Variants in CLEC7A observed in about 807,000 individuals in gnomAD.
The protein encoded by CLEC7A is C-type lectin domain containing 7A.
In CLEC7A, 25 loss-of-function variants were observed where a neutral mutation model predicts 26.9. The ratio of observed to expected loss-of-function variants is 0.93; its 90% CI spans 0.68 to 1.30. The LOEUF is 1.30. Ranked by LOEUF, CLEC7A falls within the 50% of genes most tolerant of loss-of-function variation. CLEC7A has a pLI of 0.00. For missense variants in CLEC7A, 275 were observed against 286.7 expected, an observed-to-expected ratio of 0.96 and a Z score of 0.29; for synonymous variants, 100 against 99.5, an observed-to-expected ratio of 1.01 and a Z score of -0.03.
At chr12:10,125,049 A>G in intron 4 of CLEC7A, 1 of 481,146 alleles carries the variant, frequency 2.1e-6, no homozygotes, top group Non-Finnish European at 3.8e-6. Context: ...ATACAAAAAA[A>G]CATTAGACGA....
intron 2 of CLEC7A, chr12:10,126,939 A>G (rs187870557): frequency 4.9e-5 from 45 of 916,880 alleles, no homozygotes; most frequent in African/African-American, 4.6e-4. Flanking sequence ...AAAAGAAAAA[A>G]GAAGGTGGAG....
intron 5 of CLEC7A, among the ~76,000 whole-genome samples, chr12:10,119,880 G>A (rs1948024928): frequency 6.6e-6 from 1 of 151,552 alleles, no homozygotes; most frequent in Admixed American, 6.6e-5. Context: ...TAGAAAATTG[G>A]AATTATCAGA....
At position 10,126,616 on chromosome 12, in the gene CLEC7A, A is replaced by T. The variant is rs1178536230; in HGVS notation, c.295T>A (p.Ser99Thr). The change falls in exon 3 of 6, where the codon TCT (serine) becomes ACT (threonine). Residue 99 changes from serine to threonine, a missense_variant. Coordinates refer to ENST00000304084, the MANE Select transcript of CLEC7A (RefSeq NM_197947.3). ...KENHSQPTQS[S>T]LEDSVTPTKA... ...GTAGGAGTCACACTGTCTTCTAAAG[A>T]TGATTGTGTGGGTTGACTGTGGTTC... The T allele has an allele frequency of 1.2e-6, 2 of 1,613,058 alleles. No homozygotes were observed. Among genetic ancestry groups the T allele is most frequent in the Non-Finnish European group, 1.7e-6 (2 of 1,179,590 alleles).
At chr12:10,127,030 C>T in intron 2 of CLEC7A, 3 of 1,393,062 alleles carry the variant, frequency 2.2e-6, no homozygotes, top group Non-Finnish European at 2.8e-6. Flanking sequence ...GAAATAGCAA[C>T]ATCTTTCACC....
At position 10,128,207 on chromosome 12, in the gene CLEC7A, A is replaced by AACACACACACACAC. The variant is rs71860807; in HGVS notation, c.104-376_104-363dup. On this transcript the variant is annotated intron_variant, in intron 1 of 5. Transcript: ENST00000304084. ...AGGCAAAAAAGTGATACCCTGTTAA[A>AACACACACACACAC]ACACACACACACACACACACACACA... 3.9e-3 allele frequency among the ~76,000 whole-genome samples: 515 copies of AACACACACACACAC among 132,826 alleles called. 2 individuals are homozygous for AACACACACACACAC. Among genetic ancestry groups the AACACACACACACAC allele is most frequent in the African/African-American group, 0.014 (463 of 33,298 alleles). 87.1% of individuals were successfully genotyped at this position (132,826 alleles called of 152,430 possible). A position where few individuals can be genotyped will look rare whatever the true frequency, so the allele number is the denominator to read the frequency against.
At chr12:10,128,670 T>A (rs1025876241) in intron 1 of CLEC7A, among the ~76,000 whole-genome samples, 1 of 152,294 alleles carries the variant, frequency 6.6e-6, no homozygotes, top group African/African-American at 2.4e-5. Flanking sequence ...CTAACACATA[T>A]AAAAGCACCT....
Position 10,127,058 on chromosome 12 carries a change from A to C in CLEC7A, c.203-350T>G, listed in dbSNP as rs550138886. 456 of 1,394,380 alleles carry C rather than the reference A, an allele frequency of 3.3e-4. 1 individual carries two copies. The highest frequency in any genetic ancestry group is 2.0e-3 in the Admixed American group (90 of 45,228). The allele number at this position is 1,394,380 out of a possible 1,614,324, so 86.4% of individuals were successfully genotyped here. ...CTTTCACCTTTCTTCTGTTATTTAA[A>C]AATGAGAGATCCTTGAGAAACTGCC... On this transcript the variant is annotated intron_variant, in intron 2 of 5. Coordinates refer to ENST00000304084, the MANE Select transcript of CLEC7A (RefSeq NM_197947.3).
intron 3 of CLEC7A, among the ~76,000 whole-genome samples, 193 bp from the exon 4 acceptor site, chr12:10,125,641 T>A (rs1017059662): frequency 6.6e-6 from 1 of 152,194 alleles, no homozygotes; most frequent in African/African-American, 2.4e-5. Flanking sequence ...TCATTTAAAA[T>A]TTAAAAACAA....
intron 5 of CLEC7A, among the ~76,000 whole-genome samples, chr12:10,119,256 A>C (rs1948003563): frequency 6.6e-6 from 1 of 152,108 alleles, no homozygotes; most frequent in South Asian, 2.1e-4. Flanking sequence ...ATGACTTGGC[A>C]CTCTTTGTCC....
chr12:10,129,587 T>C (rs1165026295), intron 1 of CLEC7A, among the ~76,000 whole-genome samples: 7 of 152,036 alleles, frequency 4.6e-5, no homozygotes. Context: ...GCTCTCAAAT[T>C]TTCTCCCCTT....
Position 10,126,621 on chromosome 12 carries a change from T to A in CLEC7A, c.290A>T (p.Gln97Leu), listed in dbSNP as rs551573256. Residue 97 changes from glutamine (Q) to leucine (L), a missense_variant, in exon 3 of 6, where the codon CAA becomes CTA. Physicochemically the swap from Gln to Leu is moderately radical, Grantham distance 113. Coordinates refer to ENST00000304084, the MANE Select transcript of CLEC7A (RefSeq NM_197947.3). ...AGTCACACTGTCTTCTAAAGATGAT[T>A]GTGTGGGTTGACTGTGGTTCTCTTT... ...RNKENHSQPTQSSLEDSVTPT... is the reference protein window; with the variant it reads ...RNKENHSQPTLSSLEDSVTPT... The A allele has an allele frequency of 1.2e-6, 2 of 1,612,896 alleles. No homozygotes were observed. Among genetic ancestry groups the A allele is most frequent in the Non-Finnish European group, 1.7e-6 (2 of 1,179,518 alleles).
chr12:10,123,676 G>C (rs942661347), intron 4 of CLEC7A, among the ~76,000 whole-genome samples: 1 of 140,416 alleles, frequency 7.1e-6, no homozygotes, highest in Non-Finnish European at 1.5e-5. Flanking sequence ...CAGGAGAATG[G>C]CATGAACCCG....
Position 10,125,413 on chromosome 12 carries a change from T to C in CLEC7A, c.376A>G (p.Ile126Val), listed in dbSNP as rs147313614. The C allele has an allele frequency of 1.2e-6, 2 of 1,613,048 alleles. No individual in the cohort carries two copies. The highest frequency in any genetic ancestry group is 1.3e-5 in the African/African-American group (1 of 74,898). The change falls in exon 4 of 6, where the codon ATA becomes GTA. Residue 126 changes from isoleucine (I) to valine (V), a missense_variant. Transcript: ENST00000304084. Reference protein sequence around the residue: ...LSSPCPPNWIIYEKSCYLFSM... With the variant: ...LSSPCPPNWIVYEKSCYLFSM... ...AATAGATAACAGCTCTTCTCATATA[T>C]AATCCAATTAGGAGGACAAGGGCTG...
At chr12:10,118,647 C>A in intron 5 of CLEC7A, 57 bp from the exon 6 acceptor site, 1 of 1,426,820 alleles carries the variant, frequency 7.0e-7, no homozygotes, top group Non-Finnish European at 9.7e-7. Flanking sequence ...ATACTGTCTA[C>A]ATGGCGCACA....
chr12:10,127,465 C>CA (rs1948328880), intron 2 of CLEC7A: 11 of 1,611,944 alleles, frequency 6.8e-6, no homozygotes, highest in Non-Finnish European at 8.5e-6. Flanking sequence ...GGTAGGAGAG[C>CA]AATGTAGTTA....
chr12:10,129,381 A>T (rs1368266537), intron 1 of CLEC7A, among the ~76,000 whole-genome samples: 1 of 152,204 alleles, frequency 6.6e-6, no homozygotes, highest in East Asian at 1.9e-4. Context: ...ACTTATTACC[A>T]ATTCCTCACT....
chr12:10,125,193 A>G (rs1948236042), intron 4 of CLEC7A, 104 bp downstream of exon 4: 1 of 1,167,616 alleles, frequency 8.6e-7, no homozygotes, highest in East Asian at 2.4e-5. Flanking sequence ...AAAAAAAAAA[A>G]AAAAAAGACT....
Position 10,117,017 on chromosome 12 carries a change from A to G in CLEC7A, c.*1441T>C, listed in dbSNP as rs1222877030. 1 of 152,244 alleles carries G rather than the reference A, an allele frequency of 6.6e-6. No individual in the cohort carries two copies. The highest frequency in any genetic ancestry group is 1.5e-5 in the Non-Finnish European group (1 of 68,046). The allele number at this position is 152,244 out of a possible 1,614,324, so 9.4% of individuals were successfully genotyped here. On this transcript the variant is annotated 3_prime_UTR_variant, in exon 6 of 6. Transcript: ENST00000304084. ...CATGAGGAAATATAGTTTCATTCCA[A>G]TAATACCATTTTACAGTAATTACTG...
chr12:10,127,708 T>C, intron 2 of CLEC7A, 39 bp downstream of exon 2: 1 of 1,353,160 alleles, frequency 7.4e-7, no homozygotes, highest in South Asian at 1.2e-5. Flanking sequence ...AATTGCTTAC[T>C]AAATTGTCTG....
Sources: gnomAD v4.1 joint callset for allele counts (sites outside exome capture counted in the v4.1 genomes callset) on GRCh38, gnomAD v4.1.1 for gene constraint, MANE v1.5 for transcripts, NCBI Gene and HGNC (gene_info 2026-07-23, HGNC 2026-07-21) for gene names.